Variants in PSPC1 observed in about 807,000 individuals in gnomAD.
The protein encoded by PSPC1 is paraspeckle component 1.
PSPC1 carries 14 observed loss-of-function variants against 51.6 expected under a neutral mutation model. The observed-to-expected ratio is 0.27, with a 90% confidence interval of 0.18 to 0.42. PSPC1 has a LOEUF of 0.42. Ranked by LOEUF, PSPC1 falls within the 10% of genes least tolerant of loss-of-function variation. The pLI, the probability that PSPC1 is intolerant of heterozygous loss-of-function variation, is 1.00. For missense variants in PSPC1, 406 were observed against 701.1 expected (o/e 0.58, Z 4.75); for synonymous variants, 193 against 231.9 (o/e 0.83, Z 1.53).
At chr13:19,718,050 T>A (rs1303034470) in intron 6 of PSPC1, among the ~76,000 whole-genome samples, 1 of 152,042 alleles carries the variant, frequency 6.6e-6, no homozygotes, top group Non-Finnish European at 1.5e-5. Flanking sequence ...TCCAAAAAAA[T>A]TTTTAAACGT....
intron 1 of PSPC1, among the ~76,000 whole-genome samples, chr13:19,777,415 G>GC (rs1229711051): frequency 1.7e-5 from 2 of 114,360 alleles, no homozygotes; most frequent in African/African-American, 3.6e-5. Flanking sequence ...GGGCGACACA[G>GC]CAAGACCTCA....
chr13:19,712,067 A>G (rs900948397), intron 6 of PSPC1, among the ~76,000 whole-genome samples: 2 of 152,212 alleles, frequency 1.3e-5, no homozygotes, highest in Non-Finnish European at 2.9e-5. Flanking sequence ...TATAAAAATA[A>G]TATCTATAGT....
intron 6 of PSPC1, among the ~76,000 whole-genome samples, chr13:19,717,289 G>A (rs1882214363): frequency 6.6e-6 from 1 of 151,920 alleles, no homozygotes; most frequent in South Asian, 2.1e-4. Context: ...AACTGGGCCG[G>A]ACATGGTGGC....
intron 1 of PSPC1, among the ~76,000 whole-genome samples, chr13:19,780,934 ATCG>A (rs936695666): frequency 2.6e-5 from 4 of 152,086 alleles, no homozygotes; most frequent in African/African-American, 9.7e-5. Context: ...AGGCGGGAGG[ATCG>A]TTTGAGCCCA....
chr13:19,722,974 AG>A lies in PSPC1; in HGVS notation c.1158+7264del, dbSNP rs374304070. The stretch of plus-strand genomic sequence containing the variant: ...AAAAATACAAAAATTAGCCGGATGT[AG>A]TGGCGAGCACCTGTAATCTCAGCTA... On this transcript the variant is annotated intron_variant, in intron 6 of 8. Coordinates refer to ENST00000338910, the MANE Select transcript of PSPC1 (RefSeq NM_001354909.2). 4.5e-3 allele frequency among the ~76,000 whole-genome samples: 690 copies of A among 152,020 alleles called. 5 individuals carry two copies. Among genetic ancestry groups the A allele is most frequent in the South Asian group, 0.026 (126 of 4,814 alleles).
chr13:19,773,319 G>C (rs942624375), intron 1 of PSPC1, among the ~76,000 whole-genome samples: 1 of 141,336 alleles, frequency 7.1e-6, no homozygotes, highest in Non-Finnish European at 1.5e-5. Context: ...GCGTAATCTC[G>C]GCTCACTGTA....
chr13:19,674,154 A>G (rs1188000288), downstream of PSPC1, among the ~76,000 whole-genome samples: 2 of 152,182 alleles, frequency 1.3e-5, no homozygotes, highest in Non-Finnish European at 2.9e-5. Context: ...GGTAAGGACA[A>G]CATAACTTGG....
rs1249679680 is a variant in PSPC1 at position 19,694,072 on chromosome 13, G to A, written c.1159-16249C>T. On this transcript the variant is annotated intron_variant and NMD_transcript_variant, in intron 6 of 7. Coordinates refer to the PSPC1 transcript ENST00000471658. Reference sequence around the variant, plus strand: ...CGGGAGGCGGAGCCTGCAGTGAGCCGAGATCGCACCACTGCACTCCAGCCT... The same window carrying A: ...CGGGAGGCGGAGCCTGCAGTGAGCCAAGATCGCACCACTGCACTCCAGCCT... 9.3e-5 allele frequency among the ~76,000 whole-genome samples: 12 copies of A among 128,536 alleles called. No homozygotes were observed. In the East Asian group the frequency reaches 1.0e-3, roughly 11 times the overall value. The allele number at this position is 128,536 out of a possible 152,430, so 84.3% of individuals were successfully genotyped here. A position where few individuals can be genotyped will look rare whatever the true frequency, so the allele number is the denominator to read the frequency against.
chr13:19,743,264 T>C (rs1885617191), intron 4 of PSPC1, among the ~76,000 whole-genome samples: 1 of 152,220 alleles, frequency 6.6e-6, no homozygotes, highest in Admixed American at 6.5e-5. Context: ...TTTCTCTTTA[T>C]ATCTGAAATG....
At chr13:19,752,552 G>C (rs534667858) in intron 3 of PSPC1, among the ~76,000 whole-genome samples, 1 of 151,652 alleles carries the variant, frequency 6.6e-6, no homozygotes, top group South Asian at 2.1e-4. Flanking sequence ...ACCACACCTG[G>C]TCCCCAGTCA....
At chr13:19,705,616 G>A in intron 8 of PSPC1, 46 bp downstream of exon 8, 1 of 1,361,954 alleles carries the variant, frequency 7.3e-7, no homozygotes, top group African/African-American at 1.5e-5. Context: ...TGATGCAGAA[G>A]TGTACATTAC....
At chr13:19,766,543 A>G (rs766594846) in intron 2 of PSPC1, among the ~76,000 whole-genome samples, 4 of 152,092 alleles carry the variant, frequency 2.6e-5, no homozygotes, top group Non-Finnish European at 5.9e-5. Flanking sequence ...AAATTAGCCA[A>G]GTCTGGTGGC....
At position 19,709,598 on chromosome 13, in the gene PSPC1, C is replaced by G; in HGVS notation, c.1160G>C (p.Arg387Thr). The change falls in exon 7 of 9, where the codon AGA (arginine) becomes ACA (threonine). Residue 387 changes from arginine to threonine, a missense_variant and splice_region_variant. Around this residue, in one of 5 missense-constraint regions of PSPC1, gnomAD observed 61 missense variants for 78.4 expected, o/e 0.78. Coordinates refer to ENST00000338910, the MANE Select transcript of PSPC1 (RefSeq NM_001354909.2). Reference protein sequence around the residue: ...EGFKPNYMENREQEMRMGDMG... With the variant: ...EGFKPNYMENTEQEMRMGDMG... ...ATCACCCATTCTCATTTCCTGTTCT[C>G]TCTGTAAGTAAACATAGTTGTCACA... 1.2e-6 allele frequency: 2 copies of G among 1,610,074 alleles called. No individual in the cohort carries two copies. Among genetic ancestry groups the G allele is most frequent in the South Asian group, 2.2e-5 (2 of 90,394 alleles).
chr13:19,714,013 A>C (rs1388772992), intron 6 of PSPC1, among the ~76,000 whole-genome samples: 1 of 152,196 alleles, frequency 6.6e-6, no homozygotes, highest in Non-Finnish European at 1.5e-5. Flanking sequence ...TTTACTAGTA[A>C]CCACTGCATT....
chr13:19,671,972 T>C, downstream of PSPC1: 1 of 1,302,600 alleles, frequency 7.7e-7, no homozygotes, highest in South Asian at 1.2e-5. Context: ...ATGTAAAGTT[T>C]TGTCTGTAAA....
intron 6 of PSPC1, among the ~76,000 whole-genome samples, chr13:19,710,811 G>GA (rs1208381306): frequency 1.0e-4 from 15 of 150,634 alleles, no homozygotes; most frequent in Admixed American, 2.7e-4. Flanking sequence ...TTATTTAGAA[G>GA]ATTTAAATAC....
chr13:19,702,261 T>C (rs1325801854), downstream of PSPC1, among the ~76,000 whole-genome samples: 1 of 152,220 alleles, frequency 6.6e-6, no homozygotes, highest in Non-Finnish European at 1.5e-5. Context: ...AGTCAAGCCA[T>C]CTTTTAATAC....
At chr13:19,684,204 A>G (rs1877594433) in intron 6 of PSPC1, among the ~76,000 whole-genome samples, 1 of 152,244 alleles carries the variant, frequency 6.6e-6, no homozygotes, top group Admixed American at 6.5e-5. Context: ...TTGTGATCAC[A>G]TGAATTTCTC....
At chr13:19,718,781 ATT>A (rs1239027695) in intron 6 of PSPC1, among the ~76,000 whole-genome samples, 17 of 152,210 alleles carry the variant, frequency 1.1e-4, no homozygotes, top group Admixed American at 4.6e-4. Context: ...CCAAAATATT[ATT>A]CAGTGCTAAA....
Sources: gnomAD v4.1 joint callset for allele counts (sites outside exome capture counted in the v4.1 genomes callset) on GRCh38, gnomAD v4.1.1 for gene constraint, gnomAD v4.1.1 regional missense constraint, MANE v1.5 for transcripts, NCBI Gene and HGNC (gene_info 2026-07-23, HGNC 2026-07-21) for gene names.